Variants in DYM observed in about 807,000 individuals in gnomAD.
DYM encodes dyggve-Melchior-Clausen syndrome protein.
A neutral mutation model predicts 93.1 loss-of-function variants in DYM; 78 were observed. The ratio of observed to expected loss-of-function variants is 0.84; its 90% CI spans 0.70 to 1.01. The LOEUF is 1.01. Among genes scored for constraint, DYM ranks in the 50% least tolerant of loss-of-function variants. The pLI is 0.00. For synonymous variants in DYM, 321 were observed against 319.7 expected (o/e 1.00, Z -0.04); for missense variants, 789 against 845.0 (o/e 0.93, Z 0.82).
In DYM at chr18:49,260,904, C is replaced by T. The variant is rs190322734; in HGVS notation, c.1252-2411G>A. On this transcript the variant is annotated intron_variant, in intron 11 of 17. Coordinates refer to ENST00000675505, the MANE Select transcript of DYM (RefSeq NM_001353214.3). Reference sequence around the variant, plus strand: ...CACAACACATGTAAGTATTTAGCTGCCCCTCCTCAACACAGTAACAGCAGG... The same window carrying T: ...CACAACACATGTAAGTATTTAGCTGTCCCTCCTCAACACAGTAACAGCAGG... Among the ~76,000 whole-genome samples the T allele has an allele frequency of 2.6e-5, 4 of 151,300 alleles. No individual in the cohort carries two copies. The East Asian group carries it at 5.8e-4, about 22-fold the overall frequency.
intron 17 of DYM, among the ~76,000 whole-genome samples, chr18:49,051,350 C>A (rs150235795): frequency 1.1e-3 from 168 of 152,246 alleles, no homozygotes; most frequent in African/African-American, 3.7e-3. Flanking sequence ...AGGTGGCAAG[C>A]TGGGCAGTTT....
intron 15 of DYM, among the ~76,000 whole-genome samples, chr18:49,146,908 A>G (rs1432212521): frequency 6.6e-6 from 1 of 152,206 alleles, no homozygotes. Context: ...AGCCAAAAGA[A>G]CAAAGCTGGA....
chr18:49,159,168 C>A (rs2086800747), intron 15 of DYM, among the ~76,000 whole-genome samples: 3 of 152,140 alleles, frequency 2.0e-5, no homozygotes, highest in Admixed American at 2.0e-4. Flanking sequence ...TTGTACAAAA[C>A]AATTGACTGA....
At chr18:49,101,767 C>G (rs1216769362) in intron 16 of DYM, among the ~76,000 whole-genome samples, 1 of 152,134 alleles carries the variant, frequency 6.6e-6, no homozygotes, top group East Asian at 1.9e-4. Context: ...TATTGACAAT[C>G]CATTCAGCAG....
At chr18:49,383,947 C>T (rs1291210987) in intron 3 of DYM, among the ~76,000 whole-genome samples, 1 of 150,002 alleles carries the variant, frequency 6.7e-6, no homozygotes, top group East Asian at 2.2e-4. Context: ...TTTTAATACA[C>T]AGCAATCAAC....
chr18:49,126,486 A>G (rs2082843223), intron 15 of DYM: 1 of 152,232 alleles, frequency 6.6e-6, no homozygotes, highest in African/African-American at 2.4e-5. Context: ...TTCATTTTTT[A>G]AAAGCATTAT....
intron 13 of DYM, among the ~76,000 whole-genome samples, chr18:49,222,528 T>C (rs1349387660): frequency 6.6e-6 from 1 of 151,964 alleles, no homozygotes; most frequent in Admixed American, 6.6e-5. Flanking sequence ...AGAGGCAACA[T>C]AAGGGATCTC....
At chr18:49,110,030 C>T (rs2145830242) in intron 16 of DYM, among the ~76,000 whole-genome samples, 1 of 152,284 alleles carries the variant, frequency 6.6e-6, no homozygotes, top group East Asian at 1.9e-4. Flanking sequence ...AACCTATAGC[C>T]TGTGGGCCAA....
intron 14 of DYM, among the ~76,000 whole-genome samples, chr18:49,168,087 C>T (rs1026654365): frequency 1.3e-5 from 2 of 152,102 alleles, no homozygotes; most frequent in Admixed American, 1.3e-4. Flanking sequence ...AACAATATTA[C>T]ACATCATTTA....
intron 1 of DYM, among the ~76,000 whole-genome samples, chr18:49,441,889 A>G (rs77034181): frequency 0.092 from 13,928 of 152,118 alleles, 860 homozygotes; most frequent in East Asian, 0.31. Context: ...AGAGAAATAC[A>G]ACTAGAGAGA....
intron 2 of DYM, among the ~76,000 whole-genome samples, chr18:49,409,278 T>A (rs1453198460): frequency 5.0e-5 from 7 of 139,902 alleles, no homozygotes; most frequent in African/African-American, 1.9e-4. Flanking sequence ...AGTGAGACTC[T>A]GTCTCAAAAA....
At chr18:49,088,599 T>C (rs1221741738) in intron 17 of DYM, among the ~76,000 whole-genome samples, 1 of 149,906 alleles carries the variant, frequency 6.7e-6, no homozygotes, top group Non-Finnish European at 1.5e-5. Context: ...CAGTACTCCA[T>C]AAAGCAGCAA....
chr18:49,420,358 A>G (rs1442257517), intron 2 of DYM, among the ~76,000 whole-genome samples: 1 of 151,702 alleles, frequency 6.6e-6, no homozygotes, highest in Non-Finnish European at 1.5e-5. Flanking sequence ...TAGTAGAGAT[A>G]GGGTTTCACC....
At position 49,046,173 on chromosome 18, in the gene DYM, A is replaced by C. The variant is rs1292046932; in HGVS notation, c.2026-1969T>G. Among the ~76,000 whole-genome samples the C allele has an allele frequency of 2.0e-5, 3 of 151,580 alleles. No homozygotes were observed. In the East Asian group the frequency reaches 5.8e-4, roughly 29 times the overall value. On this transcript the variant is annotated intron_variant, in intron 17 of 17. Transcript: ENST00000675505. ...CAGACACACCGAGGCACGCACACAC[A>C]GATAAAACACACAGACACGCACACA...
intron 8 of DYM, among the ~76,000 whole-genome samples, chr18:49,330,473 C>A (rs2063228985): frequency 6.6e-6 from 1 of 152,036 alleles, no homozygotes; most frequent in Admixed American, 6.5e-5. Context: ...GCACCTGGCA[C>A]ACTAATGATA....
intron 2 of DYM, chr18:49,418,142 CAAAT>C (rs1413977815): frequency 4.8e-5 from 7 of 147,254 alleles, no homozygotes; most frequent in Non-Finnish European, 9.0e-5. Flanking sequence ...GCCTGAGAAA[CAAAT>C]AAATGAATAA....
At chr18:49,214,335 T>C (rs2092930703) in intron 13 of DYM, among the ~76,000 whole-genome samples, 1 of 152,176 alleles carries the variant, frequency 6.6e-6, no homozygotes, top group South Asian at 2.1e-4. Flanking sequence ...ACGAACCCTA[T>C]TATGAACTGC....
chr18:49,294,783 C>A lies in DYM; in HGVS notation c.764-8167G>T, dbSNP rs145053609. ...ATTACAAAACACTATTCAATCAGAA[C>A]TATACCAAAAAAAAAGATACTATGC... On this transcript the variant is annotated intron_variant, in intron 8 of 17. Transcript: ENST00000675505. 3.4e-4 allele frequency among the ~76,000 whole-genome samples: 52 copies of A among 151,944 alleles called. 2 individuals carry two copies. The highest frequency in any genetic ancestry group is 1.2e-3 in the African/African-American group (48 of 41,448).
chr18:49,397,469 A>AC (rs2070247096), intron 2 of DYM, among the ~76,000 whole-genome samples: 1 of 152,222 alleles, frequency 6.6e-6, no homozygotes, highest in Non-Finnish European at 1.5e-5. Flanking sequence ...AAGAACAAGA[A>AC]CTGGCTTTAG....
Sources: allele counts gnomAD v4.1 joint callset (sites outside exome capture counted in the v4.1 genomes callset), GRCh38; gene constraint gnomAD v4.1.1; transcripts MANE v1.5; gene names NCBI Gene and HGNC (gene_info 2026-07-23, HGNC 2026-07-21).